The following SORCS2 variants were observed in gnomAD, a reference collection of about 807,000 sequenced individuals.
SORCS2 encodes the protein sortilin related VPS10 domain containing receptor 2, also known as VPS10 domain-containing receptor SorCS2.
Under a neutral mutation model 141.6 loss-of-function variants are expected in SORCS2, and 100 were observed. The observed-to-expected ratio is 0.71, with a 90% CI of 0.60 to 0.83. The LOEUF (loss-of-function observed/expected upper bound fraction) is 0.83, where lower values mean the gene tolerates loss of function less well. Among genes scored for constraint, SORCS2 ranks in the 40% least tolerant of loss-of-function variants. SORCS2 has a pLI of 0.00. For synonymous variants in SORCS2, 789 were observed against 676.9 expected, an observed-to-expected ratio of 1.17 and a Z score of -2.57; for missense variants, 1,646 against 1,560.2, an observed-to-expected ratio of 1.05 and a Z score of -0.93.
intron 1 of SORCS2, among the ~76,000 whole-genome samples, chr4:7,315,997 A>G (rs964682239): frequency 4.0e-5 from 6 of 148,754 alleles, no homozygotes; most frequent in Non-Finnish European, 6.0e-5. Flanking sequence ...ATCCATTCAT[A>G]TATTCATCTA....
chr4:7,255,120 G>T (rs1177763215), intron 1 of SORCS2, among the ~76,000 whole-genome samples: 1 of 151,988 alleles, frequency 6.6e-6, no homozygotes, highest in Non-Finnish European at 1.5e-5. Context: ...GCCTTTTCAG[G>T]CTTCCATTCA....
At chr4:7,303,794 G>A (rs1259143256) in intron 1 of SORCS2, among the ~76,000 whole-genome samples, 1 of 152,246 alleles carries the variant, frequency 6.6e-6, no homozygotes, top group Admixed American at 6.5e-5. Context: ...GCAGGACGCA[G>A]ACCTCGGCGC....
chr4:7,602,135 C>G (rs762923303), intron 3 of SORCS2, among the ~76,000 whole-genome samples: 2 of 152,266 alleles, frequency 1.3e-5, no homozygotes, highest in Admixed American at 6.5e-5. Context: ...CACTTCCACT[C>G]GACAAAACCG....
In SORCS2 at chr4:7,737,186, A is replaced by T; in HGVS notation, c.3415+14A>T. On this transcript the variant is annotated intron_variant, in intron 26 of 26. Coordinates refer to ENST00000507866, the MANE Select transcript of SORCS2 (RefSeq NM_020777.3). Reference sequence around the variant, plus strand: ...GCGCTGTCCAGGGTGAGGAGTTTATAGATGATGATCTCGACTCGCAGACTC... The same window carrying T: ...GCGCTGTCCAGGGTGAGGAGTTTATTGATGATGATCTCGACTCGCAGACTC... 1.3e-6 allele frequency: 2 copies of T among 1,550,910 alleles called. No individual in the cohort carries two copies. Among genetic ancestry groups the T allele is most frequent in the Non-Finnish European group, 1.7e-6 (2 of 1,146,820 alleles).
intron 14 of SORCS2, among the ~76,000 whole-genome samples, 172 bp from the exon 15 acceptor site, chr4:7,712,561 G>A (rs1308222424): frequency 2.0e-5 from 3 of 152,222 alleles, no homozygotes; most frequent in Non-Finnish European, 2.9e-5. Flanking sequence ...CGTGTGCAGG[G>A]CCAGGCTCGG....
intron 2 of SORCS2, among the ~76,000 whole-genome samples, chr4:7,507,434 A>G (rs1732337952): frequency 6.6e-6 from 1 of 152,214 alleles, no homozygotes; most frequent in East Asian, 1.9e-4. Context: ...TCGGCCTCCC[A>G]AAGTGCTGAG....
At chr4:7,573,051 T>C (rs1369776911) in intron 3 of SORCS2, among the ~76,000 whole-genome samples, 2 of 152,240 alleles carry the variant, frequency 1.3e-5, no homozygotes, top group Admixed American at 1.3e-4. Context: ...ATGGACAAGC[T>C]GCGTGTGTTG....
At chr4:7,720,407 TA>T (rs1170237859) in intron 18 of SORCS2, among the ~76,000 whole-genome samples, 1 of 152,130 alleles carries the variant, frequency 6.6e-6, no homozygotes, top group East Asian at 1.9e-4. Context: ...GTAAAAATCA[TA>T]AACCTTTTAG....
chr4:7,279,462 G>A (rs144763720), intron 1 of SORCS2, among the ~76,000 whole-genome samples: 6 of 152,332 alleles, frequency 3.9e-5, no homozygotes, highest in Admixed American at 1.3e-4. Flanking sequence ...CTGGTCTCAT[G>A]CTGTTACAAT....
chr4:7,306,828 C>T (rs571563276), intron 1 of SORCS2, among the ~76,000 whole-genome samples: 9 of 152,194 alleles, frequency 5.9e-5, no homozygotes, highest in Admixed American at 1.3e-4. Flanking sequence ...GCAACACATG[C>T]TGCTTTTGGG....
intron 2 of SORCS2, among the ~76,000 whole-genome samples, chr4:7,531,317 C>T (rs1711624200): frequency 6.6e-6 from 1 of 152,200 alleles, no homozygotes; most frequent in Non-Finnish European, 1.5e-5. Flanking sequence ...AAGCTCCACA[C>T]CTGTGTGAGT....
chr4:7,628,683 G>A (rs1055083469), intron 3 of SORCS2, among the ~76,000 whole-genome samples: 7 of 152,008 alleles, frequency 4.6e-5, no homozygotes, highest in East Asian at 1.9e-4. Context: ...GTGCGGGATC[G>A]GCCAGGAAGT....
chr4:7,513,277 A>C (rs1194248362), intron 2 of SORCS2, among the ~76,000 whole-genome samples: 1 of 152,202 alleles, frequency 6.6e-6, no homozygotes, highest in Non-Finnish European at 1.5e-5. Context: ...GCCGTGGATG[A>C]GTGGAAGCCA....
intron 3 of SORCS2, among the ~76,000 whole-genome samples, chr4:7,532,720 G>A (rs73214631): frequency 0.026 from 3,993 of 152,150 alleles, 91 homozygotes; most frequent in African/African-American, 0.059. Flanking sequence ...GCTGAGATGC[G>A]TGCAGCCTTG....
In SORCS2 at chr4:7,703,357, T is replaced by C. The variant is rs2109015732; in HGVS notation, c.1746T>C (p.Pro582=). ...TGGCCATCAAAGACACCTCCATCCC[T>C]TTGAAGATCCTCAAGTAATGGCGTC... ...VIVAIKDTSI[P]LKILKFSVDE... Residue 582 remains proline (P), a synonymous_variant, in exon 13 of 27, where the codon CCT becomes CCC. Transcript: ENST00000507866. The C allele has an allele frequency of 6.2e-7, 1 of 1,612,870 alleles. No individual in the cohort carries two copies. Among genetic ancestry groups the C allele is most frequent in the African/African-American group, 1.3e-5 (1 of 75,006 alleles).
chr4:7,211,875 A>G (rs1408469726), intron 1 of SORCS2, among the ~76,000 whole-genome samples: 1 of 151,050 alleles, frequency 6.6e-6, no homozygotes, highest in Non-Finnish European at 1.5e-5. Flanking sequence ...CATCCCTTTT[A>G]CTCTCTCCCC....
At chr4:7,734,202 G>A in intron 24 of SORCS2, 70 bp from the exon 25 acceptor site, 2 of 1,189,586 alleles carry the variant, frequency 1.7e-6, no homozygotes, top group Non-Finnish European at 2.4e-6. Context: ...GGGACAGACG[G>A]GATGGGCTGG....
At chr4:7,557,079 T>C (rs1714188656) in intron 3 of SORCS2, among the ~76,000 whole-genome samples, 1 of 152,152 alleles carries the variant, frequency 6.6e-6, no homozygotes, top group African/African-American at 2.4e-5. Context: ...TGATATGCTC[T>C]CCTCTCAGTG....
intron 3 of SORCS2, among the ~76,000 whole-genome samples, chr4:7,619,982 T>G (rs887615093): frequency 6.6e-6 from 1 of 152,136 alleles, no homozygotes; most frequent in African/African-American, 2.4e-5. Context: ...TAGAAACAGC[T>G]GCATCTAGTT....
Sources: allele counts gnomAD v4.1 joint callset (sites outside exome capture counted in the v4.1 genomes callset), GRCh38; gene constraint gnomAD v4.1.1; transcripts MANE v1.5; gene names NCBI Gene and HGNC (gene_info 2026-07-23, HGNC 2026-07-21).